GAS2L3: variants seen among roughly 807,000 people sequenced by gnomAD.
GAS2L3 encodes growth arrest specific 2 like 3, also known as GAS2-like protein 3.
A neutral mutation model predicts 37.0 loss-of-function variants in GAS2L3; 28 were observed. The observed-to-expected ratio is 0.76, with a 90% CI of 0.56 to 1.04. The LOEUF (loss-of-function observed/expected upper bound fraction) is 1.04, where lower values mean the gene tolerates loss of function less well. GAS2L3 is among the 50% of genes least tolerant of loss of function. GAS2L3 has a pLI of 0.00. For missense variants in GAS2L3, 793 were observed against 817.6 expected, an observed-to-expected ratio of 0.97 and a Z score of 0.37; for synonymous variants, 290 against 296.6, an observed-to-expected ratio of 0.98 and a Z score of 0.23.
intron 1 of GAS2L3, chr12:100,580,097 A>G (rs942089379): frequency 4.5e-6 from 5 of 1,122,614 alleles, no homozygotes; most frequent in Non-Finnish European, 6.8e-6. Context: ...CTTATCATTG[A>G]TACTGGAATA....
Position 100,624,215 on chromosome 12 carries a change from A to G in GAS2L3, c.1410A>G (p.Gln470=), listed in dbSNP as rs145767502. The change falls in exon 10 of 10, where the codon CAA becomes CAG. Residue 470 remains glutamine (Q), a synonymous_variant. Transcript: ENST00000547754. ...CAAATAAGTGTTCAGGAAAAACTCA[A>G]CCTAAGTATTTGAAACATAATCATA... is the stretch of plus-strand genomic sequence containing the variant. ...LLPNKCSGKT[Q]PKYLKHNHIS... 2.2e-5 allele frequency: 36 copies of G among 1,614,116 alleles called. No individual in the cohort carries two copies. In the African/African-American group the frequency reaches 4.5e-4, roughly 20 times the overall value.
chr12:100,594,138 T>C (rs2136435687), intron 2 of GAS2L3, among the ~76,000 whole-genome samples: 2 of 152,202 alleles, frequency 1.3e-5, no homozygotes, highest in Middle Eastern at 6.8e-3. Context: ...CTTATTATGC[T>C]GCTATGAGCA....
chr12:100,595,651 A>G lies in GAS2L3; in HGVS notation c.18+729A>G, dbSNP rs142056669. On this transcript the variant is annotated intron_variant, in intron 3 of 9. Coordinates refer to ENST00000547754, the MANE Select transcript of GAS2L3 (RefSeq NM_174942.3). Reference sequence around the variant, plus strand: ...TTTGCCTTGGGAAGTAAAAACTTGCATCAATTAGATTTCAGTTCTGATCCT... The same window carrying G: ...TTTGCCTTGGGAAGTAAAAACTTGCGTCAATTAGATTTCAGTTCTGATCCT... 2.6e-5 allele frequency among the ~76,000 whole-genome samples: 4 copies of G among 152,152 alleles called. No homozygotes were observed. In the East Asian group the frequency reaches 7.7e-4, roughly 29 times the overall value.
Position 100,624,792 on chromosome 12 carries a change from A to C in GAS2L3, c.1987A>C (p.Lys663Gln). 1.2e-6 allele frequency: 2 copies of C among 1,613,994 alleles called. No homozygotes were observed. The highest frequency in any genetic ancestry group is 8.5e-7 in the Non-Finnish European group (1 of 1,179,978). Residue 663 changes from lysine to glutamine, a missense_variant, in exon 10 of 10, where the codon AAG (lysine) becomes CAG (glutamine). By Grantham distance (53) the Lys-to-Gln change is moderately conservative. Transcript: ENST00000547754. Reference protein sequence around the residue: ...ASIRKPPSSVKDADSGDKKPT... With the variant: ...ASIRKPPSSVQDADSGDKKPT... ...AATCAGGAAACCACCCTCATCTGTT[A>C]AGGATGCAGATAGTGGAGATAAAAA...
At chr12:100,585,762 G>C (rs150365457) in intron 1 of GAS2L3, among the ~76,000 whole-genome samples, 1 of 152,256 alleles carries the variant, frequency 6.6e-6, no homozygotes, top group Non-Finnish European at 1.5e-5. Context: ...ATATATGTCA[G>C]ATCCATCTCC....
intron 3 of GAS2L3, among the ~76,000 whole-genome samples, chr12:100,596,819 A>C (rs1955918537): frequency 6.6e-6 from 1 of 152,114 alleles, no homozygotes; most frequent in East Asian, 1.9e-4. Context: ...CTCTGTGAAA[A>C]GGCCCATTTG....
chr12:100,623,422 A>G, intron 9 of GAS2L3, 140 bp from the exon 10 acceptor site: 1 of 599,648 alleles, frequency 1.7e-6, no homozygotes, highest in Admixed American at 2.9e-5. Context: ...CAAGAAACAA[A>G]CTGTCAATTT....
At chr12:100,613,288 A>G (rs761069922) in intron 6 of GAS2L3, among the ~76,000 whole-genome samples, 40 of 152,224 alleles carry the variant, frequency 2.6e-4, no homozygotes, top group Non-Finnish European at 4.4e-4. Context: ...TGCCAATACC[A>G]GTAATTCATT....
chr12:100,624,441 G>T lies in GAS2L3; in HGVS notation c.1636G>T (p.Ala546Ser). The change falls in exon 10 of 10, where the codon GCA becomes TCA. Residue 546 changes from alanine (A) to serine (S), a missense_variant. Coordinates refer to ENST00000547754, the MANE Select transcript of GAS2L3 (RefSeq NM_174942.3). Reference sequence around the variant, plus strand: ...TCAACCATCCGATGGAGCCCCACAAGCAAAGCCAGTCCCAGCACAGAAACT... The same window carrying T: ...TCAACCATCCGATGGAGCCCCACAATCAAAGCCAGTCCCAGCACAGAAACT... ...QSQPSDGAPQ[A>S]KPVPAQKLKS... is the part of the protein sequence containing the mutation. 6.2e-7 allele frequency: 1 copy of T among 1,614,012 alleles called. No homozygotes were observed. The highest frequency in any genetic ancestry group is 8.5e-7 in the Non-Finnish European group (1 of 1,180,012).
rs1473953881 is a variant in GAS2L3 at position 100,624,442 on chromosome 12, C to A, written c.1637C>A (p.Ala546Glu). The A allele has an allele frequency of 3.1e-6, 5 of 1,614,038 alleles. No homozygotes were observed. The highest frequency in any genetic ancestry group is 3.3e-5 in the Admixed American group (2 of 59,970). The change falls in exon 10 of 10, where the codon GCA becomes GAA. Residue 546 changes from alanine (A) to glutamate (E), a missense_variant. By Grantham distance (107) the Ala-to-Glu change is moderately radical. Transcript: ENST00000547754. ...QSQPSDGAPQ[A>E]KPVPAQKLKS... ...CAACCATCCGATGGAGCCCCACAAG[C>A]AAAGCCAGTCCCAGCACAGAAACTT...
At chr12:100,589,493 AC>A (rs1955820335) in intron 1 of GAS2L3, among the ~76,000 whole-genome samples, 1 of 152,224 alleles carries the variant, frequency 6.6e-6, no homozygotes, top group African/African-American at 2.4e-5. Flanking sequence ...AAATAACCAT[AC>A]TGCCAAAAGC....
chr12:100,585,081 A>T (rs1024031353), intron 1 of GAS2L3, among the ~76,000 whole-genome samples: 175 of 113,696 alleles, frequency 1.5e-3, no homozygotes, highest in African/African-American at 5.4e-3. Flanking sequence ...TGGTATTTTT[A>T]GTAGAGATGG....
At chr12:100,588,211 A>G (rs1955804290) in intron 1 of GAS2L3, among the ~76,000 whole-genome samples, 1 of 152,182 alleles carries the variant, frequency 6.6e-6, no homozygotes, top group Non-Finnish European at 1.5e-5. Flanking sequence ...CCCACCCCCA[A>G]TATTTCAGTG....
At chr12:100,593,231 A>C (rs959281179) in intron 2 of GAS2L3, among the ~76,000 whole-genome samples, 2 of 152,130 alleles carry the variant, frequency 1.3e-5, no homozygotes, top group African/African-American at 4.8e-5. Flanking sequence ...GCACATGCTC[A>C]TGTATATTAT....
Position 100,623,681 on chromosome 12 carries a change from T to G in GAS2L3, c.876T>G (p.Ile292Met), listed in dbSNP as rs1174906289. The G allele has an allele frequency of 6.2e-7, 1 of 1,614,086 alleles. No homozygotes were observed. Among genetic ancestry groups the G allele is most frequent in the Admixed American group, 1.7e-5 (1 of 60,010 alleles). ...ILQFATLEQK[I>M]LAFQKGVSNE... ...AGTTTGCCACATTAGAACAAAAAAT[T>G]TTAGCATTTCAAAAAGGAGTTTCTA... The change falls in exon 10 of 10, where the codon ATT (isoleucine) becomes ATG (methionine). Residue 292 changes from isoleucine (I) to methionine (M), a missense_variant. Coordinates refer to ENST00000547754, the MANE Select transcript of GAS2L3 (RefSeq NM_174942.3).
chr12:100,583,466 C>T lies in GAS2L3; in HGVS notation c.-151-8270C>T, dbSNP rs117698087. The stretch of plus-strand genomic sequence containing the variant: ...AGCTGTTGTCCTGTTAACTTGGAAC[C>T]TCTGCCTACACAGAAACCTTAGTCA... On this transcript the variant is annotated intron_variant, in intron 1 of 9. Transcript: ENST00000547754. Among the ~76,000 whole-genome samples, 424 of 152,340 alleles carry T rather than the reference C, an allele frequency of 2.8e-3. 7 individuals carry two copies. In the East Asian group the frequency reaches 0.042, roughly 15 times the overall value.
chr12:100,577,650 G>A (rs1955654365), intron 1 of GAS2L3, among the ~76,000 whole-genome samples: 2 of 152,140 alleles, frequency 1.3e-5, no homozygotes, highest in Admixed American at 1.3e-4. Flanking sequence ...TGATTTCATA[G>A]TGACATAGAA....
intron 1 of GAS2L3, among the ~76,000 whole-genome samples, chr12:100,583,537 T>C (rs1419908491): frequency 6.6e-6 from 1 of 152,206 alleles, no homozygotes; most frequent in Non-Finnish European, 1.5e-5. Flanking sequence ...CTTTTTTTTC[T>C]CTCAGCTCAC....
chr12:100,584,950 G>A (rs11110427), intron 1 of GAS2L3, among the ~76,000 whole-genome samples: 22,941 of 139,040 alleles, frequency 0.16, 2,667 homozygotes, highest in East Asian at 0.49. Flanking sequence ...GTGCTGTGGC[G>A]CAATCTTGAC....
Sources: gnomAD v4.1 joint callset for allele counts (sites outside exome capture counted in the v4.1 genomes callset) on GRCh38, gnomAD v4.1.1 for gene constraint, MANE v1.5 for transcripts, NCBI Gene and HGNC (gene_info 2026-07-23, HGNC 2026-07-21) for gene names.